NRG3: variants seen among roughly 807,000 people sequenced by gnomAD.
NRG3 encodes the protein neuregulin 3.
Under a neutral mutation model 66.9 loss-of-function variants are expected in NRG3, and 31 were observed. That is an observed-to-expected ratio of 0.46 (90% CI 0.35 to 0.63). NRG3 has a LOEUF of 0.63. Among genes scored for constraint, NRG3 ranks in the 20% least tolerant of loss-of-function variants. The probability of loss-of-function intolerance (pLI) is 0.00; values close to 1 mark genes in which losing one functional copy is unlikely to be tolerated. For synonymous variants in NRG3, 393 were observed against 359.4 expected, an observed-to-expected ratio of 1.09 and a Z score of -1.06; for missense variants, 910 against 878.9, an observed-to-expected ratio of 1.04 and a Z score of -0.45.
chr10:82,408,075 G>C (rs1172560530), intron 2 of NRG3, among the ~76,000 whole-genome samples: 159 of 132,410 alleles, frequency 1.2e-3, no homozygotes, highest in African/African-American at 4.8e-3. Context: ...GAGAGAGAGA[G>C]AGAGAGAGAC....
intron 2 of NRG3, among the ~76,000 whole-genome samples, chr10:82,735,934 A>G (rs535704232): frequency 0.054 from 1,779 of 33,146 alleles, 21 homozygotes; most frequent in Non-Finnish European, 0.083. Flanking sequence ...AAAAAGAAAG[A>G]TAATAGAATA....
chr10:82,156,845 G>A (rs2071226385), intron 1 of NRG3, among the ~76,000 whole-genome samples: 1 of 151,632 alleles, frequency 6.6e-6, no homozygotes, highest in Admixed American at 6.6e-5. Flanking sequence ...ATAAGTTTAT[G>A]TTGAAAGTGT....
intron 2 of NRG3, among the ~76,000 whole-genome samples, chr10:82,605,195 T>C (rs1045210978): frequency 1.3e-5 from 2 of 152,084 alleles, no homozygotes; most frequent in Non-Finnish European, 2.9e-5. Context: ...AGATATTCTT[T>C]ACCAGTTTGA....
Position 81,876,114 on chromosome 10 carries a change from C to T in NRG3, c.774C>T (p.Ser258=). 2 of 1,609,300 alleles carry T rather than the reference C, an allele frequency of 1.2e-6. No individual in the cohort carries two copies. Among genetic ancestry groups the T allele is most frequent in the African/African-American group, 1.3e-5 (1 of 74,920 alleles). The change falls in exon 1 of 9, where the codon TCC becomes TCT. Residue 258 remains serine, a synonymous_variant. Coordinates refer to ENST00000372141, the MANE Select transcript of NRG3 (RefSeq NM_001010848.4). The part of the protein sequence containing the change: ...QDAASSSSSS[S]SSATTTTPET... ...CTGCCTCCTCTTCTTCCTCTTCTTC[C>T]TCCTCCGCTACCACCACCACACCAG...
At chr10:82,956,616 A>C (rs1444593831) in intron 5 of NRG3, among the ~76,000 whole-genome samples, 1 of 151,998 alleles carries the variant, frequency 6.6e-6, no homozygotes, top group Non-Finnish European at 1.5e-5. Context: ...TATACTTCCA[A>C]GACTCTGAAT....
chr10:82,223,680 CACATA>C (rs1564681214), intron 1 of NRG3, among the ~76,000 whole-genome samples: 1 of 134,428 alleles, frequency 7.4e-6, no homozygotes. Context: ...CACACACACA[CACATA>C]CACACCACCC....
chr10:82,109,536 T>A (rs902871866), intron 1 of NRG3, among the ~76,000 whole-genome samples: 6 of 31,644 alleles, frequency 1.9e-4, no homozygotes, highest in African/African-American at 5.3e-4. Context: ...AGAATAAGAT[T>A]GTGTGTGTGT....
chr10:82,963,918 AT>A (rs1850935404), intron 6 of NRG3, among the ~76,000 whole-genome samples: 1 of 152,112 alleles, frequency 6.6e-6, no homozygotes, highest in South Asian at 2.1e-4. Flanking sequence ...GCTCTGAGCT[AT>A]TTTTGGTAGA....
chr10:82,742,915 T>C lies in NRG3; in HGVS notation c.1027+4265T>C, dbSNP rs184943537. Among the ~76,000 whole-genome samples, 642 of 152,140 alleles carry C rather than the reference T, an allele frequency of 4.2e-3. 9 individuals are homozygous for C. The highest frequency in any genetic ancestry group is 0.014 in the African/African-American group (588 of 41,518). On this transcript the variant is annotated intron_variant, in intron 3 of 8. Coordinates refer to ENST00000372141, the MANE Select transcript of NRG3 (RefSeq NM_001010848.4). The stretch of plus-strand genomic sequence containing the variant: ...CGAAGGTTTTTCTCCATCTCCCCTC[T>C]CATGAGCACATGCCAGGCTGAGTTC...
At chr10:82,066,984 C>G (rs1258651202) in intron 1 of NRG3, among the ~76,000 whole-genome samples, 1 of 150,208 alleles carries the variant, frequency 6.7e-6, no homozygotes, top group East Asian at 2.0e-4. Context: ...CAAGAATGCC[C>G]TTCTACTTTT....
intron 2 of NRG3, among the ~76,000 whole-genome samples, chr10:82,501,114 A>G (rs773655253): frequency 2.6e-5 from 4 of 152,112 alleles, no homozygotes; most frequent in Non-Finnish European, 5.9e-5. Flanking sequence ...TGCAAACTAT[A>G]TGGAGCTGGT....
At chr10:82,484,690 T>G (rs1462636559) in intron 2 of NRG3, among the ~76,000 whole-genome samples, 1 of 152,202 alleles carries the variant, frequency 6.6e-6, no homozygotes, top group Non-Finnish European at 1.5e-5. Context: ...AGTGATTACC[T>G]TATGAAATAC....
At chr10:82,832,902 T>C (rs577273413) in intron 3 of NRG3, among the ~76,000 whole-genome samples, 41 of 151,898 alleles carry the variant, frequency 2.7e-4, no homozygotes, top group Non-Finnish European at 5.4e-4. Context: ...CACAGTACAA[T>C]GGTCTTACAA....
At chr10:82,385,854 A>C (rs1252531679) in intron 2 of NRG3, among the ~76,000 whole-genome samples, 1 of 152,208 alleles carries the variant, frequency 6.6e-6, no homozygotes, top group African/African-American at 2.4e-5. Context: ...AAAGCCAAGC[A>C]TAATGTTTTA....
At chr10:82,610,413 T>A (rs1446828189) in intron 2 of NRG3, among the ~76,000 whole-genome samples, 2 of 152,196 alleles carry the variant, frequency 1.3e-5, no homozygotes, top group Non-Finnish European at 2.9e-5. Flanking sequence ...AATTTTAGGA[T>A]GTTTAATTCA....
chr10:82,351,850 G>A (rs1297850635), intron 1 of NRG3, among the ~76,000 whole-genome samples: 1 of 152,184 alleles, frequency 6.6e-6, no homozygotes, highest in African/African-American at 2.4e-5. Context: ...ACCTATGTGA[G>A]GTAAGTGTCT....
intron 1 of NRG3, among the ~76,000 whole-genome samples, chr10:81,901,914 A>G (rs1844116432): frequency 6.6e-6 from 1 of 152,138 alleles, no homozygotes; most frequent in African/African-American, 2.4e-5. Context: ...TGGACCACTT[A>G]CATGTTTACT....
At chr10:82,484,470 A>T (rs1842525052) in intron 2 of NRG3, among the ~76,000 whole-genome samples, 1 of 152,242 alleles carries the variant, frequency 6.6e-6, no homozygotes, top group South Asian at 2.1e-4. Context: ...GTCAACAATA[A>T]CAGTTTTGTT....
intron 3 of NRG3, among the ~76,000 whole-genome samples, chr10:82,812,658 C>G (rs2061538255): frequency 6.6e-6 from 1 of 152,106 alleles, no homozygotes; most frequent in African/African-American, 2.4e-5. Flanking sequence ...GATGCAAAAG[C>G]AACCTCTCAG....
Sources: allele counts gnomAD v4.1 joint callset (sites outside exome capture counted in the v4.1 genomes callset), GRCh38; gene constraint gnomAD v4.1.1; transcripts MANE v1.5; gene names NCBI Gene and HGNC (gene_info 2026-07-23, HGNC 2026-07-21).